ENTPD1: variants seen among roughly 807,000 people sequenced by gnomAD.
ENTPD1 encodes the protein ectonucleoside triphosphate diphosphohydrolase 1, also known as ATP diphosphohydrolase.
Under a neutral mutation model 57.0 loss-of-function variants are expected in ENTPD1, and 33 were observed. That is an observed-to-expected ratio of 0.58 (90% CI 0.44 to 0.77). The LOEUF is 0.77. ENTPD1 is among the 30% of genes least tolerant of loss of function. The pLI is 0.00. For synonymous variants in ENTPD1, 202 were observed against 218.8 expected, an observed-to-expected ratio of 0.92 and a Z score of 0.68; for missense variants, 501 against 603.4, an observed-to-expected ratio of 0.83 and a Z score of 1.78.
In ENTPD1 at chr10:95,862,092, T is replaced by C. The variant is rs76568229; in HGVS notation, c.1188+1510T>C. Among the ~76,000 whole-genome samples the C allele has an allele frequency of 6.5e-3, 997 of 152,314 alleles. 6 individuals carry two copies. The highest frequency in any genetic ancestry group is 0.014 in the Middle Eastern group (4 of 294). On this transcript the variant is annotated intron_variant, in intron 8 of 9. Coordinates refer to ENST00000371205, the MANE Select transcript of ENTPD1 (RefSeq NM_001776.6). ...GACTATGTTAGGCTGGGAATGCTTA[T>C]ATTTAGACCTGTAGTTCTGCTCAGG... is the stretch of plus-strand genomic sequence containing the variant.
chr10:95,801,465 C>T (rs991026951), intron 1 of ENTPD1, among the ~76,000 whole-genome samples: 2 of 152,050 alleles, frequency 1.3e-5, no homozygotes, highest in Non-Finnish European at 2.9e-5. Flanking sequence ...AATCCTTTCC[C>T]CATTGTTTGT....
chr10:95,819,977 T>TA (rs1189287251), intron 1 of ENTPD1, among the ~76,000 whole-genome samples: 1 of 152,232 alleles, frequency 6.6e-6, no homozygotes, highest in Non-Finnish European at 1.5e-5. Flanking sequence ...TTTTCCATAA[T>TA]AGAGCTTGAC....
intron 2 of ENTPD1, among the ~76,000 whole-genome samples, chr10:95,825,841 A>C (rs557130351): frequency 1.1e-4 from 17 of 152,158 alleles, no homozygotes; most frequent in African/African-American, 2.9e-4. Flanking sequence ...GCCTCCCAAA[A>C]TGCTGGGATT....
chr10:95,745,898 A>G (rs987037575), intron 1 of ENTPD1, among the ~76,000 whole-genome samples: 6 of 152,212 alleles, frequency 3.9e-5, no homozygotes, highest in African/African-American at 1.4e-4. Context: ...GGCTTCCCCA[A>G]GCTCAGTTAG....
intron 1 of ENTPD1, among the ~76,000 whole-genome samples, chr10:95,788,507 C>T (rs117777532): frequency 0.034 from 5,137 of 151,852 alleles, 119 homozygotes; most frequent in Non-Finnish European, 0.049. Flanking sequence ...ATCCCAGATA[C>T]GTTGGAGGCT....
the ENTPD1 span, among the ~76,000 whole-genome samples, chr10:95,698,685 CG>C: frequency 6.6e-6 from 1 of 152,224 alleles, no homozygotes; most frequent in African/African-American, 2.4e-5. Flanking sequence ...GGAGTCCCAC[CG>C]GCAAGATGGC....
At chr10:95,825,460 T>G (rs979839285) in intron 2 of ENTPD1, among the ~76,000 whole-genome samples, 3 of 152,248 alleles carry the variant, frequency 2.0e-5, no homozygotes, top group African/African-American at 7.2e-5. Flanking sequence ...AGTAGTTTAT[T>G]GAAATAAATG....
At chr10:95,817,569 G>A (rs542556539) in intron 1 of ENTPD1, among the ~76,000 whole-genome samples, 77 of 152,246 alleles carry the variant, frequency 5.1e-4, no homozygotes, top group Admixed American at 1.1e-3. Context: ...TATGAGCAGG[G>A]GACCCCATTG....
chr10:95,697,028 A>T, the ENTPD1 span, among the ~76,000 whole-genome samples: 6 of 152,256 alleles, frequency 3.9e-5, no homozygotes, highest in African/African-American at 7.2e-5. Flanking sequence ...GCCAGACATT[A>T]TAAGAATACT....
At chr10:95,815,264 A>C (rs1335352924) in intron 1 of ENTPD1, among the ~76,000 whole-genome samples, 2 of 152,352 alleles carry the variant, frequency 1.3e-5, no homozygotes, top group East Asian at 3.9e-4. Context: ...ACAATGATTT[A>C]AGGCATTGAA....
intron 1 of ENTPD1, among the ~76,000 whole-genome samples, chr10:95,730,851 G>T (rs1376312135): frequency 6.6e-6 from 1 of 152,218 alleles, no homozygotes; most frequent in Admixed American, 6.5e-5. Flanking sequence ...TATAACCTTT[G>T]TGATTACAGA....
At chr10:95,863,207 G>A (rs1022798310) in intron 8 of ENTPD1, among the ~76,000 whole-genome samples, 4 of 152,224 alleles carry the variant, frequency 2.6e-5, no homozygotes, top group South Asian at 2.1e-4. Context: ...GGGAATAGGA[G>A]TATTAAAGAA....
intron 1 of ENTPD1, among the ~76,000 whole-genome samples, chr10:95,781,973 G>T (rs751529972): frequency 5.3e-5 from 8 of 152,242 alleles, no homozygotes; most frequent in Non-Finnish European, 8.8e-5. Context: ...AGGGTGAACA[G>T]AAAGGGACAA....
At position 95,872,951 on chromosome 10, in the gene ENTPD1, T is replaced by G; in HGVS notation, c.*6568T>G. 1.0e-6 allele frequency: 1 copy of G among 985,444 alleles called. No individual in the cohort carries two copies. The highest frequency in any genetic ancestry group is 1.2e-6 in the Non-Finnish European group (1 of 829,922). 61.0% of individuals were successfully genotyped at this position (985,444 alleles called of 1,614,324 possible). ...GCCATGCAGCACTTCATTGTACACA[T>G]TATTAAAACAGAATTTTAAGGATTA... On this transcript the variant is annotated 3_prime_UTR_variant, in exon 10 of 10. Coordinates refer to ENST00000371205, the MANE Select transcript of ENTPD1 (RefSeq NM_001776.6).
chr10:95,872,217 A>T lies in ENTPD1; in HGVS notation c.*5834A>T, dbSNP rs753132552. 5.9e-5 allele frequency: 58 copies of T among 985,474 alleles called. No individual in the cohort carries two copies. Among genetic ancestry groups the T allele is most frequent in the Non-Finnish European group, 7.0e-5 (58 of 829,946 alleles). The allele number at this position is 985,474 out of a possible 1,614,324, so 61.0% of individuals were successfully genotyped here. On this transcript the variant is annotated 3_prime_UTR_variant, in exon 10 of 10. Coordinates refer to ENST00000371205, the MANE Select transcript of ENTPD1 (RefSeq NM_001776.6). ...TGCTAGATTAATCTTTGCAAAGCAC[A>T]GGCTTAATTTCATTGCTGCTCAACT...
chr10:95,853,702 G>A (rs1312829594), intron 7 of ENTPD1, among the ~76,000 whole-genome samples: 1 of 152,142 alleles, frequency 6.6e-6, no homozygotes, highest in Non-Finnish European at 1.5e-5. Flanking sequence ...TGTGGCTTTT[G>A]TCTTTGGTTC....
At chr10:95,735,938 A>G (rs1322757131) in intron 1 of ENTPD1, among the ~76,000 whole-genome samples, 1 of 152,062 alleles carries the variant, frequency 6.6e-6, no homozygotes, top group African/African-American at 2.4e-5. Context: ...TTTTAGCTGA[A>G]CAATGAATTT....
chr10:95,805,769 G>T (rs1393100661), intron 1 of ENTPD1, among the ~76,000 whole-genome samples: 4 of 152,122 alleles, frequency 2.6e-5, no homozygotes, highest in Admixed American at 1.3e-4. Context: ...TGGCTGGATA[G>T]GAAATTCTAG....
intron 1 of ENTPD1, among the ~76,000 whole-genome samples, chr10:95,773,620 A>G (rs2098123143): frequency 6.6e-6 from 1 of 152,214 alleles, no homozygotes. Flanking sequence ...TAGCTTCATT[A>G]TCCTTTAACA....
Sources: gnomAD v4.1 joint callset for allele counts (sites outside exome capture counted in the v4.1 genomes callset) on GRCh38, gnomAD v4.1.1 for gene constraint, MANE v1.5 for transcripts, NCBI Gene and HGNC (gene_info 2026-07-23, HGNC 2026-07-21) for gene names.